Variants in SEMA6D observed in about 807,000 individuals in gnomAD.
SEMA6D encodes the protein semaphorin 6D.
SEMA6D carries 35 observed loss-of-function variants against 106.6 expected under a neutral mutation model. That is an observed-to-expected ratio of 0.33 (90% CI 0.25 to 0.44). The LOEUF (loss-of-function observed/expected upper bound fraction) is 0.44, where lower values mean the gene tolerates loss of function less well. SEMA6D is among the 20% of genes least tolerant of loss of function. The pLI is 1.00. For missense variants in SEMA6D, 1,185 were observed against 1,345.9 expected (o/e 0.88, Z 1.87); for synonymous variants, 499 against 487.7 (o/e 1.02, Z -0.31).
intron 1 of SEMA6D, among the ~76,000 whole-genome samples, chr15:47,190,209 A>G (rs1893867760): frequency 6.6e-6 from 1 of 152,204 alleles, no homozygotes; most frequent in South Asian, 2.1e-4. Context: ...TTTGGAGACC[A>G]GTTAATATCC....
intron 3 of SEMA6D, among the ~76,000 whole-genome samples, chr15:47,571,995 T>C (rs917603895): frequency 1.3e-5 from 2 of 152,214 alleles, no homozygotes; most frequent in Admixed American, 6.5e-5. Context: ...TTTAAAGTAT[T>C]ATAGAAACAG....
intron 3 of SEMA6D, 58 bp downstream of exon 3, chr15:47,760,473 A>G (rs1423274993): frequency 9.0e-6 from 12 of 1,334,050 alleles, no homozygotes; most frequent in Non-Finnish European, 1.3e-5. Context: ...TGGTGCTTGC[A>G]TTAGTGTGTC....
chr15:47,426,778 T>C (rs2041353970), intron 2 of SEMA6D, among the ~76,000 whole-genome samples: 2 of 152,186 alleles, frequency 1.3e-5, no homozygotes, highest in African/African-American at 4.8e-5. Context: ...AGGACTAGTT[T>C]TGAATATGTT....
intron 2 of SEMA6D, among the ~76,000 whole-genome samples, chr15:47,448,261 G>T (rs1011104091): frequency 2.0e-5 from 3 of 152,104 alleles, no homozygotes; most frequent in Non-Finnish European, 4.4e-5. Flanking sequence ...CTTTGTTCAT[G>T]CCTGTGTGAC....
rs1239548561 is a variant in SEMA6D at position 47,706,193 on chromosome 15, T to A, written c.-54-53552T>A. On this transcript the variant is annotated intron_variant, in intron 4 of 19. Transcript: ENST00000558014. ...TATTCATCAAAAGTCAAACACTATT[T>A]TTTCAACATTTGACTGAATAAAAGT... Among the ~76,000 whole-genome samples the A allele has an allele frequency of 4.6e-5, 7 of 152,220 alleles. No homozygotes were observed. In the East Asian group the frequency reaches 1.3e-3, roughly 29 times the overall value.
intron 1 of SEMA6D, among the ~76,000 whole-genome samples, chr15:47,396,026 A>G (rs1487702145): frequency 1.3e-5 from 2 of 152,106 alleles, no homozygotes; most frequent in African/African-American, 2.4e-5. Context: ...TGGTTTTATA[A>G]GAAGAGGAAG....
At position 47,771,520 on chromosome 15, in the gene SEMA6D, G is replaced by C. The variant is rs140728406; in HGVS notation, c.2957G>C (p.Gly986Ala). 6.2e-7 allele frequency: 1 copy of C among 1,614,026 alleles called. No homozygotes were observed. Among genetic ancestry groups the C allele is most frequent in the Non-Finnish European group, 8.5e-7 (1 of 1,179,974 alleles). Residue 986 changes from glycine to alanine, a missense_variant, in exon 19 of 19, where the codon GGT becomes GCT. This residue lies in a region of SEMA6D where 750 missense variants were observed against 783.5 expected (regional missense o/e 0.96). Transcript: ENST00000536845. ...AMPKNLNSPN[G>A]VLLSRQPSMN... ...CCTAAAAACTTAAACTCACCAAATGGTGTTTTGTTATCCAGACAGCCTAGT... is the reference window on the plus strand; with the variant it reads ...CCTAAAAACTTAAACTCACCAAATGCTGTTTTGTTATCCAGACAGCCTAGT...
intron 3 of SEMA6D, among the ~76,000 whole-genome samples, chr15:47,558,440 T>G (rs2045976768): frequency 6.6e-6 from 1 of 151,918 alleles, no homozygotes; most frequent in African/African-American, 2.4e-5. Flanking sequence ...ACAGGCAAAG[T>G]GTAGGATACA....
At chr15:47,407,337 C>G (rs1376154123) in intron 1 of SEMA6D, among the ~76,000 whole-genome samples, 1 of 133,976 alleles carries the variant, frequency 7.5e-6, no homozygotes, top group East Asian at 2.4e-4. Flanking sequence ...CCACTGCACT[C>G]CAGCCTGGCT....
intron 4 of SEMA6D, among the ~76,000 whole-genome samples, chr15:47,702,202 A>G (rs1415724412): frequency 1.3e-5 from 2 of 152,282 alleles, no homozygotes; most frequent in Non-Finnish European, 2.9e-5. Flanking sequence ...CCTCAGAAAA[A>G]TGGGCCAAAA....
intron 3 of SEMA6D, among the ~76,000 whole-genome samples, chr15:47,509,313 A>G (rs1177221517): frequency 1.3e-5 from 2 of 152,210 alleles, no homozygotes; most frequent in African/African-American, 2.4e-5. Context: ...TTACTCAGAT[A>G]AACTCCAGAA....
intron 4 of SEMA6D, among the ~76,000 whole-genome samples, chr15:47,616,774 AG>A (rs2077015739): frequency 6.6e-6 from 1 of 152,160 alleles, no homozygotes; most frequent in African/African-American, 2.4e-5. Flanking sequence ...AGTGTTGTAT[AG>A]GCTGTACACA....
In SEMA6D at chr15:47,760,989, A is replaced by G; in HGVS notation, c.233A>G (p.Tyr78Cys). The G allele has an allele frequency of 5.6e-6, 9 of 1,613,302 alleles. No homozygotes were observed. Among genetic ancestry groups the G allele is most frequent in the Non-Finnish European group, 5.9e-6 (7 of 1,179,470 alleles). ...CTTATTTCCAACAGGGATCAAGTTTATACAGTAAACTTAAATGAAATGCCC... is the reference window on the plus strand; with the variant it reads ...CTTATTTCCAACAGGGATCAAGTTTGTACAGTAAACTTAAATGAAATGCCC... ...TLYIAGRDQV[Y>C]TVNLNEMPKT... The change falls in exon 4 of 19, where the codon TAT (tyrosine) becomes TGT (cysteine). Residue 78 changes from tyrosine to cysteine, a missense_variant. Physicochemically the swap from Tyr to Cys is radical, Grantham distance 194. This residue lies in a region of SEMA6D where 144 missense variants were observed against 138.6 expected (regional missense o/e 1.04). Coordinates refer to ENST00000536845, the MANE Select transcript of SEMA6D (RefSeq NM_001358351.3).
chr15:47,709,764 C>CT (rs1482856848), intron 4 of SEMA6D, among the ~76,000 whole-genome samples: 6 of 151,980 alleles, frequency 3.9e-5, no homozygotes, highest in African/African-American at 1.5e-4. Flanking sequence ...AAAGGGCCAA[C>CT]TTTGTTTCCA....
intron 1 of SEMA6D, among the ~76,000 whole-genome samples, chr15:47,267,356 C>G (rs931587543): frequency 1.9e-4 from 29 of 150,676 alleles, no homozygotes; most frequent in African/African-American, 6.6e-4. Context: ...TTTCCTGTAC[C>G]TTTTTTTCTT....
chr15:47,197,790 A>C (rs1894460092), intron 1 of SEMA6D, among the ~76,000 whole-genome samples: 1 of 152,200 alleles, frequency 6.6e-6, no homozygotes, highest in South Asian at 2.1e-4. Flanking sequence ...CCATGCCGTC[A>C]TTAATTATTG....
chr15:47,257,040 A>G (rs2033839093), intron 1 of SEMA6D, among the ~76,000 whole-genome samples: 3 of 149,570 alleles, frequency 2.0e-5, no homozygotes, highest in Non-Finnish European at 4.4e-5. Context: ...AGGTAGAATA[A>G]CAGTGAGGAG....
chr15:47,545,927 C>G (rs1231253967), intron 3 of SEMA6D, among the ~76,000 whole-genome samples: 6 of 152,182 alleles, frequency 3.9e-5, no homozygotes, highest in Admixed American at 3.9e-4. Flanking sequence ...GAAAGGCCCT[C>G]TCTAGACAGG....
At chr15:47,560,250 A>G (rs982677410) in intron 3 of SEMA6D, among the ~76,000 whole-genome samples, 1 of 152,106 alleles carries the variant, frequency 6.6e-6, no homozygotes, top group Non-Finnish European at 1.5e-5. Context: ...ATTTGGCAGA[A>G]AAGACTTCAA....
Sources: allele counts gnomAD v4.1 joint callset (sites outside exome capture counted in the v4.1 genomes callset), GRCh38; gene constraint gnomAD v4.1.1; regional missense constraint gnomAD v4.1.1; transcripts MANE v1.5; gene names NCBI Gene and HGNC (gene_info 2026-07-23, HGNC 2026-07-21).